Variants in AR observed in about 807,000 individuals in gnomAD.
AR encodes dihydrotestosterone receptor.
In AR, 8 loss-of-function variants were observed where a neutral mutation model predicts 53.9. That is an observed-to-expected ratio of 0.15 (90% CI 0.09 to 0.27). The LOEUF (loss-of-function observed/expected upper bound fraction) is 0.27, where lower values mean the gene tolerates loss of function less well. AR is among the 10% of genes least tolerant of loss of function. The pLI is 1.00. For missense variants in AR, 639 were observed against 742.5 expected (o/e 0.86, Z 1.62); for synonymous variants, 359 against 316.4 (o/e 1.13, Z -1.43).
At chrX:67,548,099 A>G (rs190844909) in intron 1 of AR, among the ~76,000 whole-genome samples, 29 of 111,438 alleles carry the variant, frequency 2.6e-4, no homozygotes, top group African/African-American at 9.1e-4. Context: ...TTTACCTGTG[A>G]CTTCTCCGAA....
rs144488434 is a variant in AR at position 67,671,822 on chromosome X, C to T, written c.1769-14188C>T. Among the ~76,000 whole-genome samples, 436 of 111,872 alleles carry T rather than the reference C, an allele frequency of 3.9e-3. 11 individuals carry two copies. In the East Asian group the frequency reaches 0.087, roughly 22 times the overall value. On this transcript the variant is annotated intron_variant, in intron 2 of 7. Transcript: ENST00000374690. Reference sequence around the variant, plus strand: ...CTTTCAGTTTTCTGCATGAGGCTAACGAGTTTTCCCAACACCATTTATTAA... The same window carrying T: ...CTTTCAGTTTTCTGCATGAGGCTAATGAGTTTTCCCAACACCATTTATTAA...
chrX:67,708,575 G>T (rs1379585530), intron 3 of AR, among the ~76,000 whole-genome samples: 1 of 111,348 alleles, frequency 9.0e-6, no homozygotes, highest in Non-Finnish European at 1.9e-5. Flanking sequence ...TAACTTCTTT[G>T]CGATGGGTTC....
intron 1 of AR, among the ~76,000 whole-genome samples, chrX:67,582,918 G>A (rs1354024932): frequency 8.9e-6 from 1 of 111,749 alleles, no homozygotes; most frequent in Non-Finnish European, 1.9e-5. Flanking sequence ...CTTTTCACAT[G>A]GAGATAATTT....
intron 2 of AR, among the ~76,000 whole-genome samples, chrX:67,682,328 AG>A (rs1180930794): frequency 8.9e-6 from 1 of 111,736 alleles, no homozygotes; most frequent in Non-Finnish European, 1.9e-5. Context: ...TCTGTCACCC[AG>A]GCTGGAGTGC....
chrX:67,619,802 GA>G (rs781782155), intron 1 of AR, among the ~76,000 whole-genome samples: 3 of 111,127 alleles, frequency 2.7e-5, no homozygotes, highest in Non-Finnish European at 3.8e-5. Context: ...ACTGGAGTGA[GA>G]TGGGGTAGGG....
chrX:67,629,749 T>C (rs1474342307), intron 1 of AR, among the ~76,000 whole-genome samples: 3 of 109,957 alleles, frequency 2.7e-5, no homozygotes, highest in East Asian at 2.9e-4. Flanking sequence ...ATTTTGGATC[T>C]TTCCTGCTTT....
rs2147323311 is a variant in AR at position 67,546,737 on chromosome X, T to A, written c.1591T>A (p.Tyr531Asn). Reference sequence around the variant, plus strand: ...CGAAATGGGCCCCTGGATGGATAGCTACTCCGGACCTTACGGGGACATGCG... The same window carrying A: ...CGAAATGGGCCCCTGGATGGATAGCAACTCCGGACCTTACGGGGACATGCG... ...KSEMGPWMDS[Y>N]SGPYGDMRLE... Residue 531 changes from tyrosine to asparagine, a missense_variant, in exon 1 of 8, where the codon TAC becomes AAC. This residue lies in a region of AR where 423 missense variants were observed against 377.0 expected (regional missense o/e 1.12). Transcript: ENST00000374690. 1.7e-6 allele frequency: 2 copies of A among 1,208,165 alleles called. No homozygotes were observed. Among genetic ancestry groups the A allele is most frequent in the Non-Finnish European group, 2.2e-6 (2 of 893,741 alleles).
intron 1 of AR, among the ~76,000 whole-genome samples, chrX:67,606,709 G>A (rs897132261): frequency 8.9e-6 from 1 of 112,385 alleles, no homozygotes; most frequent in Non-Finnish European, 1.9e-5. Context: ...ATTGAGGCTT[G>A]GCAATTATTA....
At chrX:67,687,416 A>T (rs1008542815) in intron 3 of AR, among the ~76,000 whole-genome samples, 1 of 112,215 alleles carries the variant, frequency 8.9e-6, no homozygotes, top group Non-Finnish European at 1.9e-5. Context: ...CATCTCAAGT[A>T]GCGTCCAGTA....
intron 2 of AR, among the ~76,000 whole-genome samples, chrX:67,647,491 G>A (rs1926112165): frequency 9.0e-6 from 1 of 111,656 alleles, no homozygotes; most frequent in Admixed American, 9.6e-5. Flanking sequence ...GTGCATATCA[G>A]TGTCCCCTTC....
In AR at chrX:67,670,526, A is replaced by G. The variant is rs181730658; in HGVS notation, c.1769-15484A>G. ...TAGCAGCTATACTAATATATTATATATATACTACATAAAGCATATATATAG... is the reference window on the plus strand; with the variant it reads ...TAGCAGCTATACTAATATATTATATGTATACTACATAAAGCATATATATAG... On this transcript the variant is annotated intron_variant, in intron 2 of 7. Transcript: ENST00000374690. Among the ~76,000 whole-genome samples, 46 of 107,078 alleles carry G rather than the reference A, an allele frequency of 4.3e-4. No homozygotes were observed. The East Asian group carries it at 0.012, about 28-fold the overall frequency. The allele number at this position is 107,078 out of a possible 115,157, so 93.0% of individuals were successfully genotyped here.
chrX:67,711,740 A>G (rs2147525554), intron 4 of AR, 51 bp downstream of exon 4: 1 of 1,137,611 alleles, frequency 8.8e-7, no homozygotes, highest in Admixed American at 2.5e-5. Context: ...ATATTTAGTG[A>G]ACGCTCCTAT....
At chrX:67,648,374 A>T (rs1216035885) in intron 2 of AR, among the ~76,000 whole-genome samples, 1 of 111,483 alleles carries the variant, frequency 9.0e-6, no homozygotes, top group Non-Finnish European at 1.9e-5. Flanking sequence ...TTTCTGGATG[A>T]CACATATATT....
intron 1 of AR, among the ~76,000 whole-genome samples, chrX:67,593,457 G>T (rs951837670): frequency 1.7e-4 from 18 of 109,055 alleles, no homozygotes; most frequent in African/African-American, 6.0e-4. Context: ...CACCTCCCGG[G>T]TTCAAGCGAT....
intron 1 of AR, among the ~76,000 whole-genome samples, chrX:67,615,017 A>C (rs1442356501): frequency 9.0e-6 from 1 of 110,881 alleles, no homozygotes; most frequent in Non-Finnish European, 1.9e-5. Flanking sequence ...GCAAATTAGA[A>C]CATAGATCAA....
At chrX:67,584,982 G>A (rs957978581) in intron 1 of AR, among the ~76,000 whole-genome samples, 12 of 111,662 alleles carry the variant, frequency 1.1e-4, no homozygotes, top group East Asian at 2.8e-4. Flanking sequence ...GCGGCCAGGC[G>A]CAGTGGCTCA....
intron 3 of AR, among the ~76,000 whole-genome samples, chrX:67,704,158 C>T (rs1383650700): frequency 9.0e-6 from 1 of 111,725 alleles, no homozygotes; most frequent in Non-Finnish European, 1.9e-5. Context: ...TGGGTATATA[C>T]CCAATAATGG....
intron 1 of AR, among the ~76,000 whole-genome samples, chrX:67,629,751 T>G (rs910954023): frequency 6.4e-5 from 7 of 110,017 alleles, no homozygotes; most frequent in African/African-American, 2.3e-4. Context: ...TTTGGATCTT[T>G]CCTGCTTTCT....
At chrX:67,626,629 TA>T (rs1451864946) in intron 1 of AR, among the ~76,000 whole-genome samples, 8 of 100,067 alleles carry the variant, frequency 8.0e-5, no homozygotes, top group South Asian at 4.6e-4. Flanking sequence ...TATATATATA[TA>T]TATATTTATT....
Sources: gnomAD v4.1 joint callset for allele counts (sites outside exome capture counted in the v4.1 genomes callset) on GRCh38, gnomAD v4.1.1 for gene constraint, gnomAD v4.1.1 regional missense constraint, MANE v1.5 for transcripts, NCBI Gene and HGNC (gene_info 2026-07-23, HGNC 2026-07-21) for gene names.